SNX2: variants seen among roughly 807,000 people sequenced by gnomAD.
SNX2 encodes sorting nexin 2.
In SNX2, 25 loss-of-function variants were observed where a neutral mutation model predicts 69.9. The ratio of observed to expected loss-of-function variants is 0.36; its 90% CI spans 0.26 to 0.50. SNX2 has a LOEUF of 0.50. SNX2 is among the 20% of genes least tolerant of loss of function. The pLI is 0.97. For synonymous variants in SNX2, 229 were observed against 200.4 expected, an observed-to-expected ratio of 1.14 and a Z score of -1.20; for missense variants, 551 against 613.3, an observed-to-expected ratio of 0.90 and a Z score of 1.07.
intron 1 of SNX2, among the ~76,000 whole-genome samples, chr5:122,779,653 G>T (rs1006396675): frequency 1.3e-5 from 2 of 152,218 alleles, no homozygotes; most frequent in South Asian, 4.1e-4. Flanking sequence ...GCTGGGTTAT[G>T]TGGTAACTCC....
intron 14 of SNX2, among the ~76,000 whole-genome samples, chr5:122,829,135 A>G (rs1342677631): frequency 6.6e-6 from 1 of 152,114 alleles, no homozygotes; most frequent in Non-Finnish European, 1.5e-5. Flanking sequence ...CAAAACAAAA[A>G]AAACCCAGAC....
chr5:122,825,009 C>G (rs1436955672), intron 11 of SNX2, among the ~76,000 whole-genome samples: 3 of 152,040 alleles, frequency 2.0e-5, no homozygotes, highest in Non-Finnish European at 4.4e-5. Context: ...CATACGGTGA[C>G]AAAACTAATA....
At chr5:122,776,951 A>G (rs569815487) in intron 1 of SNX2, among the ~76,000 whole-genome samples, 32 of 152,172 alleles carry the variant, frequency 2.1e-4, no homozygotes, top group Non-Finnish European at 4.1e-4. Flanking sequence ...TTTGTTTTTG[A>G]TTATTCATCT....
In SNX2 at chr5:122,808,279, A is replaced by T; in HGVS notation, c.646A>T (p.Met216Leu). 1 of 1,601,906 alleles carries T rather than the reference A, an allele frequency of 6.2e-7. No homozygotes were observed. The highest frequency in any genetic ancestry group is 8.5e-7 in the Non-Finnish European group (1 of 1,173,466). ...AATCTCATTCAACTTCTTCAAAGGGATGACCAAGGTCAAAGTGGGTAAAGA... is the reference window on the plus strand; with the variant it reads ...AATCTCATTCAACTTCTTCAAAGGGTTGACCAAGGTCAAAGTGGGTAAAGA... ...PPAPEKSIVGMTKVKVGKEDS... is the reference protein window; with the variant it reads ...PPAPEKSIVGLTKVKVGKEDS... Residue 216 changes from methionine (M) to leucine (L), a missense_variant and splice_region_variant, in exon 7 of 15, where the codon ATG (methionine) becomes TTG (leucine). Transcript: ENST00000379516.
intron 8 of SNX2, 152 bp from the exon 9 acceptor site, chr5:122,816,763 T>TA (rs1753908049): frequency 4.3e-6 from 2 of 462,548 alleles, no homozygotes; most frequent in Admixed American, 8.3e-5. Context: ...TAGATCTCAC[T>TA]ATTGAAATGT....
At chr5:122,823,949 C>A (rs1416994700) in intron 11 of SNX2, among the ~76,000 whole-genome samples, 1 of 152,044 alleles carries the variant, frequency 6.6e-6, no homozygotes, top group Non-Finnish European at 1.5e-5. Flanking sequence ...TGCCTGTAAT[C>A]CCAGCACTTT....
intron 1 of SNX2, among the ~76,000 whole-genome samples, chr5:122,793,369 A>G (rs894986723): frequency 1.3e-5 from 2 of 152,186 alleles, no homozygotes; most frequent in African/African-American, 2.4e-5. Flanking sequence ...AACCAAACAC[A>G]AAAAATAAGT....
At position 122,782,567 on chromosome 5, in the gene SNX2, ACT is replaced by A. The variant is rs1021904706; in HGVS notation, c.108+7359_108+7360del. Among the ~76,000 whole-genome samples the A allele has an allele frequency of 2.6e-3, 352 of 137,758 alleles. 1 individual carries two copies. Among genetic ancestry groups the A allele is most frequent in the African/African-American group, 9.2e-3 (334 of 36,502 alleles). 90.4% of individuals were successfully genotyped at this position (137,758 alleles called of 152,430 possible). ...TTTATTTTATTTGAGATGGAGTCTC[ACT>A]CTGCTGCCCAGGCTAGAGAGCAGTT... On this transcript the variant is annotated intron_variant, in intron 1 of 14. Coordinates refer to ENST00000379516, the MANE Select transcript of SNX2 (RefSeq NM_003100.4).
chr5:122,806,138 G>GCACACACACACACACACA (rs1314424933), intron 6 of SNX2, among the ~76,000 whole-genome samples: 5 of 61,544 alleles, frequency 8.1e-5, no homozygotes, highest in African/African-American at 2.3e-4. Flanking sequence ...ATACACACGC[G>GCACACACACACACACACA]CGCGCACACA....
intron 8 of SNX2, among the ~76,000 whole-genome samples, chr5:122,816,500 T>A (rs1225054237): frequency 6.6e-6 from 1 of 152,170 alleles, no homozygotes; most frequent in Admixed American, 6.5e-5. Flanking sequence ...GCAGAATTTT[T>A]AAAAAACTCA....
In SNX2 at chr5:122,795,176, A is replaced by G. The variant is rs184717539; in HGVS notation, c.109-90A>G. 32 of 793,086 alleles carry G rather than the reference A, an allele frequency of 4.0e-5. No individual in the cohort carries two copies. In the East Asian group the frequency reaches 7.5e-4, roughly 19 times the overall value. The allele number at this position is 793,086 out of a possible 1,614,324, so 49.1% of individuals were successfully genotyped here. A position where few individuals can be genotyped will look rare whatever the true frequency, so the allele number is the denominator to read the frequency against. On this transcript the variant is annotated intron_variant, in intron 1 of 14. Transcript: ENST00000379516. The stretch of plus-strand genomic sequence containing the variant: ...CTTGTTCTTTCCTCCATTCTTTTCA[A>G]GAGAATGTTCTATTTCTGTAGTACA...
chr5:122,814,951 A>G (rs1286166304), intron 7 of SNX2, among the ~76,000 whole-genome samples: 1 of 151,448 alleles, frequency 6.6e-6, no homozygotes, highest in Admixed American at 6.6e-5. Context: ...GGGTTTCACC[A>G]TCTTGGCCAG....
chr5:122,784,004 A>G (rs1050854235), intron 1 of SNX2, among the ~76,000 whole-genome samples: 2 of 151,918 alleles, frequency 1.3e-5, no homozygotes, highest in Non-Finnish European at 2.9e-5. Context: ...CTAGATCTGT[A>G]TGCTGAGTAT....
Position 122,806,142 on chromosome 5 carries a change from G to GCGCACACACACACACACACACACA in SNX2, c.644-2134_644-2133insGCACACACACACACACACACACAC. ...TGTGTATATATATACACACGCGCGC[G>GCGCACACACACACACACACACACA]CACACACACACACACACACACACAC... On this transcript the variant is annotated intron_variant, in intron 6 of 14. Transcript: ENST00000379516. 2.4e-3 allele frequency among the ~76,000 whole-genome samples: 320 copies of GCGCACACACACACACACACACACA among 130,632 alleles called. 3 individuals are homozygous for GCGCACACACACACACACACACACA. Among genetic ancestry groups the GCGCACACACACACACACACACACA allele is most frequent in the Non-Finnish European group, 3.9e-3 (236 of 61,000 alleles). The allele number at this position is 130,632 out of a possible 152,430, so 85.7% of individuals were successfully genotyped here.
intron 1 of SNX2, among the ~76,000 whole-genome samples, chr5:122,785,811 A>C (rs1386194410): frequency 6.6e-6 from 1 of 152,072 alleles, no homozygotes; most frequent in African/African-American, 2.4e-5. Context: ...CTATTATGCT[A>C]AGTGTTCTGT....
chr5:122,818,731 A>C (rs1311238971), intron 10 of SNX2, 87 bp from the exon 11 acceptor site: 1 of 1,086,370 alleles, frequency 9.2e-7, no homozygotes, highest in African/African-American at 1.6e-5. Flanking sequence ...GCATAAGTAA[A>C]ATTTAGAGAA....
chr5:122,806,142 G>GCGCACACA, intron 6 of SNX2, among the ~76,000 whole-genome samples: 1 of 130,584 alleles, frequency 7.7e-6, no homozygotes, highest in Non-Finnish European at 1.6e-5. Flanking sequence ...ACACGCGCGC[G>GCGCACACA]CACACACACA....
Position 122,815,877 on chromosome 5 carries a change from AT to A in SNX2, c.723-15del. 1 of 1,447,050 alleles carries A rather than the reference AT, an allele frequency of 6.9e-7. No homozygotes were observed. The highest frequency in any genetic ancestry group is 9.5e-7 in the Non-Finnish European group (1 of 1,051,846). 89.6% of individuals were successfully genotyped at this position (1,447,050 alleles called of 1,614,324 possible). ...TCAAGATGCTACTGATAAAGGAGCA[AT>A]TTTACTCTTAAATCTAGGTATCTTC... On this transcript the variant is annotated intron_variant, in intron 7 of 14. Coordinates refer to ENST00000379516, the MANE Select transcript of SNX2 (RefSeq NM_003100.4).
intron 7 of SNX2, among the ~76,000 whole-genome samples, chr5:122,809,042 A>C (rs2150011342): frequency 6.6e-6 from 1 of 152,262 alleles, no homozygotes; most frequent in East Asian, 1.9e-4. Flanking sequence ...TTGTGGATTC[A>C]ACTAACTATG....
Sources: allele counts gnomAD v4.1 joint callset (sites outside exome capture counted in the v4.1 genomes callset), GRCh38; gene constraint gnomAD v4.1.1; transcripts MANE v1.5; gene names NCBI Gene and HGNC (gene_info 2026-07-23, HGNC 2026-07-21).